The following PTPRK variants were observed in gnomAD, a reference collection of about 807,000 sequenced individuals.
The protein encoded by PTPRK is protein tyrosine phosphatase receptor type K.
In PTPRK, 75 loss-of-function variants were observed where a neutral mutation model predicts 178.0. The ratio of observed to expected loss-of-function variants is 0.42; its 90% CI spans 0.35 to 0.51. The LOEUF is 0.51. Ranked by LOEUF, PTPRK falls within the 20% of genes least tolerant of loss-of-function variation. PTPRK has a pLI of 0.02. For synonymous variants in PTPRK, 637 were observed against 620.6 expected, an observed-to-expected ratio of 1.03 and a Z score of -0.39; for missense variants, 1,441 against 1,797.8, an observed-to-expected ratio of 0.80 and a Z score of 3.59.
chr6:128,275,597 A>G (rs1450880241), intron 3 of PTPRK, among the ~76,000 whole-genome samples: 1 of 152,068 alleles, frequency 6.6e-6, no homozygotes, highest in East Asian at 1.9e-4. Context: ...CAAAACACTG[A>G]ACCAGGTGTT....
At chr6:128,127,565 A>G (rs1009429454) in intron 7 of PTPRK, among the ~76,000 whole-genome samples, 1 of 152,200 alleles carries the variant, frequency 6.6e-6, no homozygotes, top group African/African-American at 2.4e-5. Flanking sequence ...TGTCCTGCTT[A>G]TGACCTAGGA....
chr6:128,517,302 T>G (rs1858216084), intron 1 of PTPRK, among the ~76,000 whole-genome samples: 1 of 152,172 alleles, frequency 6.6e-6, no homozygotes, highest in Non-Finnish European at 1.5e-5. Context: ...AGTTGGGTAT[T>G]ATTATCCCCA....
intron 7 of PTPRK, among the ~76,000 whole-genome samples, chr6:128,093,716 T>G (rs1787442771): frequency 6.6e-6 from 1 of 151,664 alleles, no homozygotes; most frequent in East Asian, 1.9e-4. Flanking sequence ...GTGGTTATAT[T>G]TCAATGTTTA....
chr6:128,081,427 T>G (rs1440504601), intron 10 of PTPRK, among the ~76,000 whole-genome samples: 1 of 151,998 alleles, frequency 6.6e-6, no homozygotes, highest in African/African-American at 2.4e-5. Flanking sequence ...TGTATTATAC[T>G]CAACACGTTT....
chr6:128,207,114 G>A (rs933472495), intron 6 of PTPRK, among the ~76,000 whole-genome samples: 1 of 152,120 alleles, frequency 6.6e-6, no homozygotes, highest in African/African-American at 2.4e-5. Flanking sequence ...CGGGCTCAAG[G>A]TGCTGAGATG....
intron 1 of PTPRK, among the ~76,000 whole-genome samples, chr6:128,466,002 G>A (rs993075676): frequency 1.2e-4 from 19 of 152,236 alleles, no homozygotes; most frequent in African/African-American, 3.9e-4. Context: ...GTAATAACAG[G>A]ATATTAAACC....
chr6:128,415,515 A>AC (rs1842750722), intron 1 of PTPRK, among the ~76,000 whole-genome samples: 2 of 151,862 alleles, frequency 1.3e-5, no homozygotes, highest in Admixed American at 6.6e-5. Flanking sequence ...AAAAAAAAAA[A>AC]AAAAATTATT....
intron 6 of PTPRK, 30 bp from the exon 7 acceptor site, chr6:128,184,755 G>A (rs778163646): frequency 1.3e-6 from 2 of 1,590,720 alleles, no homozygotes; most frequent in Non-Finnish European, 1.7e-6. Flanking sequence ...ACTTCAATTA[G>A]TAAGATTTAA....
At chr6:128,469,839 T>A (rs2128417608) in intron 1 of PTPRK, among the ~76,000 whole-genome samples, 1 of 151,994 alleles carries the variant, frequency 6.6e-6, no homozygotes, top group Admixed American at 6.6e-5. Flanking sequence ...AGTGTGGGCT[T>A]TAAAGAGAGA....
chr6:128,519,156 C>T lies in PTPRK; in HGVS notation c.100+1103G>A. 2 of 490,060 alleles carry T rather than the reference C, an allele frequency of 4.1e-6. 1 individual carries two copies. Among genetic ancestry groups the T allele is most frequent in the Middle Eastern group, 6.5e-4 (2 of 3,094 alleles). The allele number at this position is 490,060 out of a possible 1,614,324, so 30.4% of individuals were successfully genotyped here. ...GCCAAGCGAAGCTGGGTAGGTTGGC[C>T]AGAAAAGTTGTCAGGACTGGCGGGA... On this transcript the variant is annotated intron_variant, in intron 1 of 29. Coordinates refer to ENST00000368226, the MANE Select transcript of PTPRK (RefSeq NM_002844.4). The surrounding 1 kb of genome is among the most constrained non-coding windows in gnomAD (Gnocchi z 4.3).
rs923157745 is a variant in PTPRK, at chr6:128,194,200, C to G, written c.869-9475G>C. On this transcript the variant is annotated intron_variant, in intron 6 of 29. Coordinates refer to ENST00000368226, the MANE Select transcript of PTPRK (RefSeq NM_002844.4). ...TCCTGGGTTCATGCCATTCTCCTGC[C>G]TCAGCCTCCCGAGTAGCTGGGATTA... Among the ~76,000 whole-genome samples the G allele has an allele frequency of 2.0e-4, 30 of 151,584 alleles. 1 individual carries two copies. Among genetic ancestry groups the G allele is most frequent in the African/African-American group, 6.8e-4 (28 of 41,342 alleles).
intron 3 of PTPRK, among the ~76,000 whole-genome samples, chr6:128,309,687 T>G (rs1826948881): frequency 6.6e-6 from 1 of 152,164 alleles, no homozygotes; most frequent in Admixed American, 6.6e-5. Context: ...AAATGTTGTG[T>G]GGCCAGCTTG....
chr6:128,178,460 C>A (rs1583347089), intron 7 of PTPRK, among the ~76,000 whole-genome samples: 1 of 145,350 alleles, frequency 6.9e-6, no homozygotes, highest in East Asian at 2.1e-4. Flanking sequence ...CCATTTTTTT[C>A]ATGTGTATTA....
intron 7 of PTPRK, among the ~76,000 whole-genome samples, chr6:128,164,674 A>G (rs116114327): frequency 9.9e-5 from 15 of 151,410 alleles, no homozygotes; most frequent in African/African-American, 3.6e-4. Flanking sequence ...GCTGAAGTGC[A>G]TATAACCAAT....
intron 13 of PTPRK, among the ~76,000 whole-genome samples, chr6:128,034,695 A>T (rs927005537): frequency 5.3e-5 from 8 of 152,170 alleles, no homozygotes; most frequent in African/African-American, 1.9e-4. Context: ...TAGTTGTATG[A>T]GACAGTTGTT....
chr6:128,087,994 C>T (rs1786232597), intron 8 of PTPRK, among the ~76,000 whole-genome samples: 1 of 152,092 alleles, frequency 6.6e-6, no homozygotes, highest in South Asian at 2.1e-4. Flanking sequence ...AGGTAGGCAC[C>T]AAAAGACACA....
At chr6:128,222,902 T>A (rs1810664937) in intron 5 of PTPRK, among the ~76,000 whole-genome samples, 2 of 152,196 alleles carry the variant, frequency 1.3e-5, no homozygotes, top group Admixed American at 1.3e-4. Flanking sequence ...GATTTCCACG[T>A]GACCTGATCT....
intron 2 of PTPRK, among the ~76,000 whole-genome samples, chr6:128,395,071 A>C (rs1055816083): frequency 2.0e-5 from 3 of 152,214 alleles, no homozygotes; most frequent in Non-Finnish European, 4.4e-5. Flanking sequence ...TGTGACAATA[A>C]AAAGATCATA....
intron 21 of PTPRK, among the ~76,000 whole-genome samples, chr6:127,989,486 G>A (rs1164581140): frequency 6.6e-6 from 1 of 151,698 alleles, no homozygotes; most frequent in African/African-American, 2.4e-5. Context: ...GGGCATTTAT[G>A]GTTATCTATA....
Sources: allele counts gnomAD v4.1 joint callset (sites outside exome capture counted in the v4.1 genomes callset), GRCh38; gene constraint gnomAD v4.1.1; non-coding constraint Gnocchi (gnomAD v3.1); transcripts MANE v1.5; gene names NCBI Gene and HGNC (gene_info 2026-07-23, HGNC 2026-07-21).